The following USP15 variants were observed in gnomAD, a reference collection of about 807,000 sequenced individuals.
USP15 encodes the protein ubiquitin specific peptidase 15.
Under a neutral mutation model 127.1 loss-of-function variants are expected in USP15, and 18 were observed. The ratio of observed to expected loss-of-function variants is 0.14; its 90% confidence interval spans 0.10 to 0.21. The LOEUF is 0.21. USP15 is among the 10% of genes least tolerant of loss of function. The probability of loss-of-function intolerance (pLI) is 1.00; values close to 1 mark genes in which losing one functional copy is unlikely to be tolerated. For synonymous variants in USP15, 364 were observed against 393.7 expected, an observed-to-expected ratio of 0.92 and a Z score of 0.89; for missense variants, 805 against 1,159.9, an observed-to-expected ratio of 0.69 and a Z score of 4.44.
intron 1 of USP15, among the ~76,000 whole-genome samples, chr12:62,271,265 ATTAT>A (rs1446809544): frequency 2.0e-5 from 3 of 152,086 alleles, no homozygotes; most frequent in Non-Finnish European, 4.4e-5. Context: ...TTTATGAATA[ATTAT>A]TTATGAGTCT....
At chr12:62,339,091 G>A (rs2065571678) in intron 6 of USP15, among the ~76,000 whole-genome samples, 1 of 151,572 alleles carries the variant, frequency 6.6e-6, no homozygotes. Context: ...AGTTCTCCTT[G>A]AAGAGGTCCT....
chr12:62,279,224 T>C (rs1181958363), intron 1 of USP15: 1 of 152,170 alleles, frequency 6.6e-6, no homozygotes, highest in Non-Finnish European at 1.5e-5. Context: ...ATGTTTTAGA[T>C]ACCTCATAAG....
intron 3 of USP15, 128 bp from the exon 4 acceptor site, chr12:62,314,662 C>A: frequency 2.2e-6 from 2 of 889,428 alleles, no homozygotes; most frequent in Non-Finnish European, 3.1e-6. Flanking sequence ...TATATATTGG[C>A]AGGCTTTAAT....
chr12:62,355,005 C>T lies in USP15; in HGVS notation c.771-326C>T, dbSNP rs144972990. On this transcript the variant is annotated intron_variant, in intron 7 of 21. Coordinates refer to ENST00000280377, the MANE Select transcript of USP15 (RefSeq NM_001252078.2). ...TGTTGCTGCGGGTGGTATTTAAAAT[C>T]TGAATGTTTTAAATTTGATGGAGCA... is the stretch of plus-strand genomic sequence containing the variant. The T allele has an allele frequency of 6.4e-4, 108 of 168,370 alleles. 1 individual carries two copies. The East Asian group carries it at 0.015, about 23-fold the overall frequency. 10.4% of individuals were successfully genotyped at this position (168,370 alleles called of 1,614,324 possible).
At chr12:62,307,461 T>C (rs962215035) in intron 3 of USP15, among the ~76,000 whole-genome samples, 4 of 152,138 alleles carry the variant, frequency 2.6e-5, no homozygotes, top group Admixed American at 6.6e-5. Flanking sequence ...TTTAAAAGGC[T>C]ATGTTCTGTG....
At chr12:62,289,818 A>T (rs550759851) in intron 1 of USP15, among the ~76,000 whole-genome samples, 1 of 149,244 alleles carries the variant, frequency 6.7e-6, no homozygotes, top group South Asian at 2.1e-4. Flanking sequence ...CTCCTTTTTC[A>T]TTCATTTAAA....
Position 62,308,518 on chromosome 12 carries a change from C to T in USP15, c.348+5598C>T, listed in dbSNP as rs115909448. On this transcript the variant is annotated intron_variant, in intron 3 of 21. Coordinates refer to ENST00000280377, the MANE Select transcript of USP15 (RefSeq NM_001252078.2). Reference sequence around the variant, plus strand: ...CCTCCCTCATCCCCTCCCCTCGGATCACTCACTCTGGGCGAAGCCATAACT... The same window carrying T: ...CCTCCCTCATCCCCTCCCCTCGGATTACTCACTCTGGGCGAAGCCATAACT... 4.8e-3 allele frequency among the ~76,000 whole-genome samples: 736 copies of T among 152,172 alleles called. 3 individuals carry two copies. Among genetic ancestry groups the T allele is most frequent in the African/African-American group, 0.016 (657 of 41,514 alleles).
chr12:62,338,892 G>T (rs1303637255), intron 6 of USP15, among the ~76,000 whole-genome samples: 2 of 152,144 alleles, frequency 1.3e-5, no homozygotes, highest in Admixed American at 6.5e-5. Context: ...ATAGTTTGAA[G>T]TCAGGTAGTG....
At chr12:62,392,208 A>T (rs1333019013) in intron 17 of USP15, 64 bp from the exon 18 acceptor site, 4 of 1,027,564 alleles carry the variant, frequency 3.9e-6, no homozygotes, top group Non-Finnish European at 4.4e-6. Context: ...TCATAGTAAG[A>T]TGGTATCACT....
intron 6 of USP15, among the ~76,000 whole-genome samples, chr12:62,332,784 C>T (rs1044049831): frequency 6.6e-6 from 1 of 151,988 alleles, no homozygotes; most frequent in African/African-American, 2.4e-5. Context: ...TACACTGTCC[C>T]TCTGCCATTT....
rs942864352 is a variant in USP15 at position 62,296,427 on chromosome 12, C to T, written c.217+2121C>T. 4.6e-5 allele frequency among the ~76,000 whole-genome samples: 7 copies of T among 151,988 alleles called. No homozygotes were observed. The East Asian group carries it at 5.8e-4, about 13-fold the overall frequency. Reference sequence around the variant, plus strand: ...ATGCTAACACTGTTTTTTAAAAAGCCGGAGACATTAAGTTTCAGAATAAAG... The same window carrying T: ...ATGCTAACACTGTTTTTTAAAAAGCTGGAGACATTAAGTTTCAGAATAAAG... On this transcript the variant is annotated intron_variant, in intron 2 of 21. Transcript: ENST00000280377.
intron 2 of USP15, 69 bp from the exon 3 acceptor site, chr12:62,302,721 A>C: frequency 6.8e-7 from 1 of 1,476,156 alleles, no homozygotes; most frequent in South Asian, 1.4e-5. Context: ...AGCCTTCATG[A>C]GTTTAATTTG....
chr12:62,368,802 CATT>C, intron 8 of USP15, among the ~76,000 whole-genome samples: 1 of 152,282 alleles, frequency 6.6e-6, no homozygotes, highest in Non-Finnish European at 1.5e-5. Flanking sequence ...AGCCCATTTA[CATT>C]TAAGGTGAAT....
chr12:62,286,300 A>G (rs2063784245), intron 1 of USP15, among the ~76,000 whole-genome samples: 1 of 152,230 alleles, frequency 6.6e-6, no homozygotes, highest in Non-Finnish European at 1.5e-5. Context: ...ACTAATAATC[A>G]GAGAAATACA....
intron 19 of USP15, 92 bp from the exon 20 acceptor site, chr12:62,396,203 T>G (rs895353925): frequency 3.8e-6 from 3 of 790,490 alleles, no homozygotes; most frequent in African/African-American, 3.5e-5. Flanking sequence ...TATAGATATA[T>G]ATATGTATGT....
chr12:62,415,025 GAA>G lies in USP15; in HGVS notation c.*10652_*10653del, dbSNP rs2068125129. ...TATATATATATATATATGAGGGAGA[GAA>G]AGATTTATAAGGAATTAGTTCATGC... On this transcript the variant is annotated 3_prime_UTR_variant, in exon 22 of 22. Coordinates refer to ENST00000280377, the MANE Select transcript of USP15 (RefSeq NM_001252078.2). The G allele has an allele frequency of 7.9e-6, 1 of 126,852 alleles. No individual in the cohort carries two copies. Among genetic ancestry groups the G allele is most frequent in the Non-Finnish European group, 1.7e-5 (1 of 58,530 alleles). 7.9% of individuals were successfully genotyped at this position (126,852 alleles called of 1,614,324 possible).
intron 1 of USP15, chr12:62,267,095 T>C (rs2063210538): frequency 6.6e-6 from 1 of 152,164 alleles, no homozygotes. Flanking sequence ...GTATAGAATT[T>C]TTCAACAATT....
chr12:62,404,510 A>AT lies in USP15; in HGVS notation c.*139dup. 1 of 1,307,148 alleles carries AT rather than the reference A, an allele frequency of 7.7e-7. No homozygotes were observed. Among genetic ancestry groups the AT allele is most frequent in the Non-Finnish European group, 1.0e-6 (1 of 996,886 alleles). 81.0% of individuals were successfully genotyped at this position (1,307,148 alleles called of 1,614,324 possible). ...TAACCGAATGTAAATCCTTTATCAG[A>AT]TTTTAACTTGTGCAGTACTTGAAGT... On this transcript the variant is annotated 3_prime_UTR_variant, in exon 22 of 22. Transcript: ENST00000280377.
In USP15 at chr12:62,413,082, TCATA is replaced by T. The variant is rs1296590196; in HGVS notation, c.*8711_*8714del. ...GTTAGCAGGCAGAAAAACACTAATC[TCATA>T]CATCTCCATAGAGCTCTTGGGTGAC... On this transcript the variant is annotated 3_prime_UTR_variant, in exon 22 of 22. Coordinates refer to ENST00000280377, the MANE Select transcript of USP15 (RefSeq NM_001252078.2). 9 of 152,294 alleles carry T rather than the reference TCATA, an allele frequency of 5.9e-5. 1 individual carries two copies. Among genetic ancestry groups the T allele is most frequent in the African/African-American group, 2.4e-5 (1 of 41,574 alleles). 9.4% of individuals were successfully genotyped at this position (152,294 alleles called of 1,614,324 possible). A position where few individuals can be genotyped will look rare whatever the true frequency, so the allele number is the denominator to read the frequency against.
Sources: allele counts gnomAD v4.1 joint callset (sites outside exome capture counted in the v4.1 genomes callset), GRCh38; gene constraint gnomAD v4.1.1; transcripts MANE v1.5; gene names NCBI Gene and HGNC (gene_info 2026-07-23, HGNC 2026-07-21).